The following GALNT13 variants were observed in gnomAD, a reference collection of about 807,000 sequenced individuals.
The protein encoded by GALNT13 is polypeptide N-acetylgalactosaminyltransferase 13.
GALNT13 carries 28 observed loss-of-function variants against 64.2 expected under a neutral mutation model. The observed-to-expected ratio is 0.44, with a 90% CI of 0.32 to 0.60. The LOEUF is 0.60. Ranked by LOEUF, GALNT13 falls within the 20% of genes least tolerant of loss-of-function variation. The pLI is 0.05. For missense variants in GALNT13, 577 were observed against 669.8 expected (o/e 0.86, Z 1.53); for synonymous variants, 214 against 224.6 (o/e 0.95, Z 0.42).
chr2:154,225,275 G>A (rs1688558004), intron 4 of GALNT13, among the ~76,000 whole-genome samples: 1 of 152,026 alleles, frequency 6.6e-6, no homozygotes, highest in Non-Finnish European at 1.5e-5. Context: ...TTTTAAAAAT[G>A]CAAGTTAAAA....
intron 9 of GALNT13, among the ~76,000 whole-genome samples, chr2:154,389,910 G>T (rs1698704597): frequency 6.6e-6 from 1 of 152,140 alleles, no homozygotes; most frequent in South Asian, 2.1e-4. Flanking sequence ...CAGTCATGAT[G>T]GGTGAGGGGG....
chr2:154,127,064 G>A (rs1036433745), intron 3 of GALNT13, among the ~76,000 whole-genome samples: 6 of 151,868 alleles, frequency 4.0e-5, no homozygotes, highest in Non-Finnish European at 7.4e-5. Context: ...CTATTTTTAC[G>A]TCTCTGGACT....
intron 8 of GALNT13, among the ~76,000 whole-genome samples, chr2:154,266,275 G>T (rs1170029853): frequency 7.2e-5 from 11 of 152,104 alleles, no homozygotes; most frequent in Admixed American, 7.2e-4. Context: ...TTTAGGCACA[G>T]CAACAAGGTC....
At chr2:153,603,874 A>G in the GALNT13 span, among the ~76,000 whole-genome samples, 1 of 152,090 alleles carries the variant, frequency 6.6e-6, no homozygotes, top group African/African-American at 2.4e-5. Context: ...CTTATATTGA[A>G]AACTCTGGCT....
At chr2:154,313,853 G>C (rs1289325774) in intron 9 of GALNT13, among the ~76,000 whole-genome samples, 2 of 150,492 alleles carry the variant, frequency 1.3e-5, no homozygotes, top group African/African-American at 4.9e-5. Flanking sequence ...AGAAAACATG[G>C]ATACCTCTAG....
At chr2:154,286,653 C>T in intron 8 of GALNT13, 1 of 267,794 alleles carries the variant, frequency 3.7e-6, no homozygotes, top group Non-Finnish European at 7.2e-6. Context: ...TTGTAGGAGG[C>T]ATGGTGAACT....
At chr2:154,437,723 C>T (rs768620172) in intron 11 of GALNT13, 14 of 413,216 alleles carry the variant, frequency 3.4e-5, no homozygotes, top group Non-Finnish European at 4.8e-5. Context: ...GGCATGGTGG[C>T]GCATGCCTGT....
chr2:154,374,431 G>C (rs963939127), intron 9 of GALNT13, among the ~76,000 whole-genome samples: 7 of 152,158 alleles, frequency 4.6e-5, no homozygotes, highest in African/African-American at 1.7e-4. Flanking sequence ...TTAGTACAAG[G>C]AAAACCGATG....
chr2:153,230,613 GTA>G, the GALNT13 span, among the ~76,000 whole-genome samples: 1 of 152,172 alleles, frequency 6.6e-6, no homozygotes, highest in Non-Finnish European at 1.5e-5. Context: ...CAGAACTACA[GTA>G]GAGCAATCAT....
Position 154,453,138 on chromosome 2 carries a change from A to G in GALNT13, c.*2587A>G, listed in dbSNP as rs1701934598. ...ACTACCTCTAACCTTTTTAATCGCAATATGCTTATTATTTAGTTCCCTAAT... is the reference window on the plus strand; with the variant it reads ...ACTACCTCTAACCTTTTTAATCGCAGTATGCTTATTATTTAGTTCCCTAAT... On this transcript the variant is annotated 3_prime_UTR_variant, in exon 13 of 13. Coordinates refer to ENST00000392825, the MANE Select transcript of GALNT13 (RefSeq NM_052917.4). The G allele has an allele frequency of 6.6e-6, 1 of 152,112 alleles. No individual in the cohort carries two copies. 9.4% of individuals were successfully genotyped at this position (152,112 alleles called of 1,614,324 possible).
the GALNT13 span, among the ~76,000 whole-genome samples, chr2:153,756,139 T>C: frequency 6.6e-6 from 1 of 152,118 alleles, no homozygotes; most frequent in South Asian, 2.1e-4. Flanking sequence ...GATTGGGAAA[T>C]AAATAGCATT....
At chr2:153,336,414 C>T in the GALNT13 span, among the ~76,000 whole-genome samples, 1 of 152,182 alleles carries the variant, frequency 6.6e-6, no homozygotes, top group Non-Finnish European at 1.5e-5. Flanking sequence ...TGGAAACCCA[C>T]CTCTTGCATC....
chr2:153,451,120 T>C, the GALNT13 span, among the ~76,000 whole-genome samples: 6 of 152,126 alleles, frequency 3.9e-5, no homozygotes, highest in African/African-American at 1.4e-4. Flanking sequence ...TAATTAAGTA[T>C]TAATATACTA....
At chr2:154,161,075 A>G (rs1303710234) in intron 4 of GALNT13, among the ~76,000 whole-genome samples, 1 of 152,150 alleles carries the variant, frequency 6.6e-6, no homozygotes. Context: ...GAATTGAACA[A>G]ATCTCTCTGA....
the GALNT13 span, among the ~76,000 whole-genome samples, chr2:153,102,098 G>C: frequency 4.0e-5 from 6 of 151,884 alleles, no homozygotes; most frequent in Non-Finnish European, 7.4e-5. Flanking sequence ...CCTCTTTTGG[G>C]GTCTCCCTTT....
the GALNT13 span, among the ~76,000 whole-genome samples, chr2:153,441,995 G>A: frequency 6.6e-6 from 1 of 152,150 alleles, no homozygotes; most frequent in East Asian, 1.9e-4. Context: ...TTGAATAGAA[G>A]TGGTGAGAGA....
chr2:153,166,852 C>T, the GALNT13 span, among the ~76,000 whole-genome samples: 2 of 152,090 alleles, frequency 1.3e-5, no homozygotes, highest in African/African-American at 4.8e-5. Context: ...AGTGGGGAGG[C>T]CCATATGGCA....
chr2:154,139,269 A>T (rs2105575237), intron 3 of GALNT13, among the ~76,000 whole-genome samples: 1 of 152,212 alleles, frequency 6.6e-6, no homozygotes, highest in South Asian at 2.1e-4. Flanking sequence ...TTTTTACCAT[A>T]TTCATACATT....
At chr2:153,854,243 C>T in the GALNT13 span, among the ~76,000 whole-genome samples, 40 of 151,218 alleles carry the variant, frequency 2.6e-4, 1 homozygote, top group South Asian at 2.7e-3. Context: ...TCTATAAATC[C>T]GAAATAATTA....
Sources: gnomAD v4.1 joint callset for allele counts (sites outside exome capture counted in the v4.1 genomes callset) on GRCh38, gnomAD v4.1.1 for gene constraint, MANE v1.5 for transcripts, NCBI Gene and HGNC (gene_info 2026-07-23, HGNC 2026-07-21) for gene names.